ZMIZ1: variants seen among roughly 807,000 people sequenced by gnomAD.
ZMIZ1 encodes zinc finger MIZ-type containing 1.
ZMIZ1 carries 17 observed loss-of-function variants against 113.9 expected under a neutral mutation model. The observed-to-expected ratio is 0.15, with a 90% confidence interval of 0.10 to 0.22. The LOEUF (loss-of-function observed/expected upper bound fraction) is 0.22, where lower values mean the gene tolerates loss of function less well. Ranked by LOEUF, ZMIZ1 falls within the 10% of genes least tolerant of loss-of-function variation. ZMIZ1 has a pLI of 1.00. For missense variants in ZMIZ1, 1,059 were observed against 1,477.8 expected, an observed-to-expected ratio of 0.72 and a Z score of 4.65; for synonymous variants, 607 against 603.1, an observed-to-expected ratio of 1.01 and a Z score of -0.09.
chr10:79,072,135 G>C (rs1487148188), intron 1 of ZMIZ1, among the ~76,000 whole-genome samples: 1 of 152,130 alleles, frequency 6.6e-6, no homozygotes, highest in Non-Finnish European at 1.5e-5. Context: ...CTTCTTTGTG[G>C]GGACAAAATG....
chr10:79,238,255 TG>T (rs1407347576), intron 7 of ZMIZ1, among the ~76,000 whole-genome samples: 2 of 152,136 alleles, frequency 1.3e-5, no homozygotes, highest in Admixed American at 6.5e-5. Context: ...AGTGGAGGTG[TG>T]GGGCACCGGG....
At chr10:79,273,483 G>A (rs191459464) in intron 7 of ZMIZ1, among the ~76,000 whole-genome samples, 10 of 152,216 alleles carry the variant, frequency 6.6e-5, no homozygotes, top group Admixed American at 3.9e-4. Flanking sequence ...TCAGCCTCCC[G>A]AGTAGCTGAG....
rs143820506 is a variant in ZMIZ1, at chr10:79,193,411, C to T, written c.-49-8173C>T. On this transcript the variant is annotated intron_variant, in intron 4 of 24. Coordinates refer to ENST00000334512, the MANE Select transcript of ZMIZ1 (RefSeq NM_020338.4). ...TGTATCTCTCTTTGGGAACCCTCAACGGGGTAACCAGTGTCTCTCTGAGTC... is the reference window on the plus strand; with the variant it reads ...TGTATCTCTCTTTGGGAACCCTCAATGGGGTAACCAGTGTCTCTCTGAGTC... Among the ~76,000 whole-genome samples the T allele has an allele frequency of 1.9e-3, 290 of 152,314 alleles. 4 individuals are homozygous for T. The highest frequency in any genetic ancestry group is 6.8e-3 in the African/African-American group (283 of 41,578).
At chr10:79,074,233 TACCA>T (rs1322011977) in intron 1 of ZMIZ1, among the ~76,000 whole-genome samples, 33 of 152,334 alleles carry the variant, frequency 2.2e-4, no homozygotes, top group Non-Finnish European at 5.9e-5. Flanking sequence ...GCCTTACCGA[TACCA>T]ACCCCTGCGC....
chr10:79,302,419 A>G (rs1199764345), intron 18 of ZMIZ1, among the ~76,000 whole-genome samples: 1 of 152,172 alleles, frequency 6.6e-6, no homozygotes, highest in Admixed American at 6.5e-5. Context: ...AGGTCCCATA[A>G]GAGCTGGTGG....
chr10:79,246,427 G>C (rs1162764486), intron 7 of ZMIZ1, among the ~76,000 whole-genome samples: 1 of 151,688 alleles, frequency 6.6e-6, no homozygotes, highest in East Asian at 1.9e-4. Context: ...AGGCTCTCTG[G>C]GCAAGGGAGG....
chr10:79,304,133 C>T lies in ZMIZ1; in HGVS notation c.2244C>T (p.Arg748=). Residue 748 remains arginine (R), a synonymous_variant, in exon 19 of 25, where the codon CGC becomes CGT. Coordinates refer to ENST00000334512, the MANE Select transcript of ZMIZ1 (RefSeq NM_020338.4). ...VSLKCPITFR[R]IQLPARGHDC... ...TGAAGTGCCCCATCACATTCCGGCG[C>T]ATCCAGCTGCCTGCTCGAGGACACG... The T allele has an allele frequency of 6.2e-7, 1 of 1,614,150 alleles. No individual in the cohort carries two copies. The highest frequency in any genetic ancestry group is 8.5e-7 in the Non-Finnish European group (1 of 1,179,980).
chr10:79,301,473 C>A (rs1357056818), intron 17 of ZMIZ1, among the ~76,000 whole-genome samples: 1 of 152,074 alleles, frequency 6.6e-6, no homozygotes, highest in Non-Finnish European at 1.5e-5. Flanking sequence ...ACCCTCATGT[C>A]CCCTGAAGAT....
At chr10:79,157,250 G>GGATGGAGT (rs1564686851) in intron 3 of ZMIZ1, among the ~76,000 whole-genome samples, 1 of 152,172 alleles carries the variant, frequency 6.6e-6, no homozygotes, top group Non-Finnish European at 1.5e-5. Context: ...ATTGTGCTGA[G>GGATGGAGT]GATGGAGTGA....
At chr10:79,236,578 G>A (rs116327780) in intron 7 of ZMIZ1, among the ~76,000 whole-genome samples, 2,550 of 152,210 alleles carry the variant, frequency 0.017, 29 homozygotes, top group African/African-American at 0.04. Context: ...TGGGTGGCGC[G>A]CTCCCCACCA....
At chr10:79,122,746 CAG>C (rs1198155237) in intron 2 of ZMIZ1, among the ~76,000 whole-genome samples, 1 of 152,200 alleles carries the variant, frequency 6.6e-6, no homozygotes, top group Admixed American at 6.5e-5. Context: ...GATAGGAAAA[CAG>C]AGGCTCAGAG....
chr10:79,114,322 T>A (rs1349794307), intron 1 of ZMIZ1, among the ~76,000 whole-genome samples: 1 of 152,198 alleles, frequency 6.6e-6, no homozygotes, highest in Admixed American at 6.5e-5. Flanking sequence ...CATTTCGCCG[T>A]CTCCGGTTTA....
intron 1 of ZMIZ1, among the ~76,000 whole-genome samples, chr10:79,071,064 G>A (rs1842266645): frequency 1.3e-5 from 2 of 152,302 alleles, no homozygotes; most frequent in East Asian, 3.9e-4. Flanking sequence ...CGGACATTTG[G>A]AGCCCTCTGG....
chr10:79,293,719 TG>T, intron 12 of ZMIZ1, 66 bp downstream of exon 12: 1 of 1,610,120 alleles, frequency 6.2e-7, no homozygotes, highest in Non-Finnish European at 8.5e-7. Context: ...ACATGGGCCG[TG>T]GGTACGGCTT....
intron 7 of ZMIZ1, among the ~76,000 whole-genome samples, chr10:79,255,471 G>A (rs1850827880): frequency 6.6e-6 from 1 of 152,224 alleles, no homozygotes; most frequent in African/African-American, 2.4e-5. Context: ...CTGCAGGTGT[G>A]AGGAGTGGAG....
intron 1 of ZMIZ1, among the ~76,000 whole-genome samples, chr10:79,110,080 C>A (rs1843685889): frequency 6.6e-6 from 1 of 152,240 alleles, no homozygotes; most frequent in Admixed American, 6.5e-5. Context: ...ATGGCCTGGG[C>A]CAGATGCCTG....
At chr10:79,095,180 C>T (rs539028827) in intron 1 of ZMIZ1, among the ~76,000 whole-genome samples, 2 of 151,992 alleles carry the variant, frequency 1.3e-5, no homozygotes, top group Non-Finnish European at 2.9e-5. Context: ...AAAGTGGGAA[C>T]GATTAAGGTT....
rs530637039 is a variant in ZMIZ1 at position 79,080,011 on chromosome 10, G to A, written c.-337+10741G>A. Among the ~76,000 whole-genome samples, 8 of 152,336 alleles carry A rather than the reference G, an allele frequency of 5.3e-5. No homozygotes were observed. The East Asian group carries it at 1.5e-3, about 29-fold the overall frequency. On this transcript the variant is annotated intron_variant, in intron 1 of 24. Transcript: ENST00000334512. ...CCCGGCTGGTGTAAGCTGGTTAGGA[G>A]TCCTTAGCTGGGGTTGTTGTGCTGT...
intron 2 of ZMIZ1, among the ~76,000 whole-genome samples, chr10:79,132,342 TCACCAGCC>T (rs1238697088): frequency 2.4e-5 from 2 of 83,344 alleles, no homozygotes; most frequent in Non-Finnish European, 5.3e-5. Context: ...GCTACTCTGA[TCACCAGCC>T]TTTTCGGCCG....
Sources: gnomAD v4.1 joint callset for allele counts (sites outside exome capture counted in the v4.1 genomes callset) on GRCh38, gnomAD v4.1.1 for gene constraint, MANE v1.5 for transcripts, NCBI Gene and HGNC (gene_info 2026-07-23, HGNC 2026-07-21) for gene names.